Variants in PHACTR2 observed in about 807,000 individuals in gnomAD.
PHACTR2 encodes the protein phosphatase and actin regulator 2, also known as chromosome 6 open reading frame 56.
Under a neutral mutation model 76.0 loss-of-function variants are expected in PHACTR2, and 30 were observed. The observed-to-expected ratio is 0.39, with a 90% confidence interval of 0.30 to 0.54. The LOEUF is 0.54. Ranked by LOEUF, PHACTR2 falls within the 20% of genes least tolerant of loss-of-function variation. The pLI is 0.61. For missense variants in PHACTR2, 696 were observed against 781.1 expected, an observed-to-expected ratio of 0.89 and a Z score of 1.30; for synonymous variants, 292 against 292.5, an observed-to-expected ratio of 1.00 and a Z score of 0.02.
rs1776691898 is a variant in PHACTR2 at position 143,648,112 on chromosome 6, G to A, written c.13+39790G>A. Among the ~76,000 whole-genome samples the A allele has an allele frequency of 6.6e-6, 1 of 152,094 alleles. No individual in the cohort carries two copies. The highest frequency in any genetic ancestry group is 1.5e-5 in the Non-Finnish European group (1 of 68,010). Reference sequence around the variant, plus strand: ...TTTGGGGTCTGTTTTGAGAATTCAGGGGATTTATCATCTCGTTGGTGGCAG... The same window carrying A: ...TTTGGGGTCTGTTTTGAGAATTCAGAGGATTTATCATCTCGTTGGTGGCAG... On this transcript the variant is annotated intron_variant, in intron 1 of 11. Coordinates refer to the PHACTR2 transcript ENST00000305766. The surrounding 1 kb of genome is among the most constrained non-coding windows in gnomAD (Gnocchi z 6.7).
chr6:143,697,968 A>G lies in PHACTR2; in HGVS notation c.47-14048A>G, dbSNP rs2128457675. Among the ~76,000 whole-genome samples, 1 of 152,088 alleles carries G rather than the reference A, an allele frequency of 6.6e-6. No homozygotes were observed. Among genetic ancestry groups the G allele is most frequent in the Admixed American group, 6.5e-5 (1 of 15,288 alleles). On this transcript the variant is annotated intron_variant, in intron 1 of 12. Coordinates refer to ENST00000440869, the MANE Select transcript of PHACTR2 (RefSeq NM_001100164.2). The surrounding 1 kb of genome is among the most constrained non-coding windows in gnomAD (Gnocchi z 4.4). The stretch of plus-strand genomic sequence containing the variant: ...AGTCTTTTTTTTAACCTACTCACTT[A>G]ATAACAACAACAATTAAAAATCATT...
intron 10 of PHACTR2, among the ~76,000 whole-genome samples, chr6:143,785,624 C>A (rs1775538121): frequency 6.6e-6 from 1 of 152,242 alleles, no homozygotes; most frequent in Non-Finnish European, 1.5e-5. Context: ...ACTGCCCTAG[C>A]AGAGGTTCTC....
chr6:143,746,510 T>G (rs1044693117), intron 2 of PHACTR2, among the ~76,000 whole-genome samples: 4 of 152,158 alleles, frequency 2.6e-5, no homozygotes, highest in Non-Finnish European at 5.9e-5. Context: ...ACCTTCATCC[T>G]TAAGTTTAGG....
At chr6:143,642,594 C>T (rs984119686) in intron 1 of PHACTR2, among the ~76,000 whole-genome samples, 4 of 152,256 alleles carry the variant, frequency 2.6e-5, no homozygotes. Flanking sequence ...AGGGTTGTTG[C>T]AGATGTAATT....
intron 1 of PHACTR2, among the ~76,000 whole-genome samples, chr6:143,691,236 CAA>C (rs755415299): frequency 2.0e-5 from 3 of 151,626 alleles, no homozygotes; most frequent in African/African-American, 2.4e-5. Flanking sequence ...ATAAAGTAAA[CAA>C]AAATAGTAAG....
At chr6:143,723,316 T>C (rs980207781) in intron 2 of PHACTR2, among the ~76,000 whole-genome samples, 3 of 152,248 alleles carry the variant, frequency 2.0e-5, no homozygotes, top group African/African-American at 7.2e-5. Context: ...ACCATCCAGA[T>C]GGCTTCTGAG....
chr6:143,823,649 T>C lies in PHACTR2; in HGVS notation c.1923-25T>C. On this transcript the variant is annotated intron_variant, in intron 12 of 12. Transcript: ENST00000440869. The surrounding 1 kb of genome is among the most constrained non-coding windows in gnomAD (Gnocchi z 5.7). ...CAGAATGTGCTCCTAGGCCACAGGC[T>C]TATAGTTTCTATTTCTTACTCCAGG... The C allele has an allele frequency of 6.2e-7, 1 of 1,606,696 alleles. No individual in the cohort carries two copies.
chr6:143,765,606 T>C lies in PHACTR2; in HGVS notation c.1040T>C (p.Leu347Pro). Residue 347 changes from leucine (L) to proline (P), a missense_variant, in exon 6 of 13, where the codon CTG becomes CCG. Leu to Pro is a moderately conservative substitution (Grantham distance 98). Around this residue, in one of 2 missense-constraint regions of PHACTR2, gnomAD observed 460 missense variants for 450.9 expected, o/e 1.02. Coordinates refer to ENST00000440869, the MANE Select transcript of PHACTR2 (RefSeq NM_001100164.2). The surrounding 1 kb of genome is among the most constrained non-coding windows in gnomAD (Gnocchi z 4.1). Reference protein sequence around the residue: ...PPPVAPAPSPLAPPLPLEDQC... With the variant: ...PPPVAPAPSPPAPPLPLEDQC... ...CCTGTGGCTCCAGCACCTTCTCCTC[T>C]GGCCCCCCCTCTCCCTCTTGAGGAT... 6.2e-7 allele frequency: 1 copy of C among 1,614,112 alleles called. No homozygotes were observed. Among genetic ancestry groups the C allele is most frequent in the Non-Finnish European group, 8.5e-7 (1 of 1,179,970 alleles).
chr6:143,625,500 T>C lies in PHACTR2; in HGVS notation c.13+17178T>C, dbSNP rs140966167. Among the ~76,000 whole-genome samples, 1 of 152,336 alleles carries C rather than the reference T, an allele frequency of 6.6e-6. No individual in the cohort carries two copies. The highest frequency in any genetic ancestry group is 6.5e-5 in the Admixed American group (1 of 15,300). On this transcript the variant is annotated intron_variant, in intron 1 of 11. Transcript: ENST00000305766. The surrounding 1 kb of genome is among the most constrained non-coding windows in gnomAD (Gnocchi z 4.3). Reference sequence around the variant, plus strand: ...ACATCAAAAAGGATAATAAATATTATTGATAACTTATCGAATAGGTAATTG... The same window carrying C: ...ACATCAAAAAGGATAATAAATATTACTGATAACTTATCGAATAGGTAATTG...
chr6:143,797,509 T>C (rs931881234), intron 11 of PHACTR2, among the ~76,000 whole-genome samples: 5 of 152,212 alleles, frequency 3.3e-5, no homozygotes, highest in Non-Finnish European at 1.5e-5. Context: ...CTGAATGGTA[T>C]TGCCCAGGTT....
intron 1 of PHACTR2, among the ~76,000 whole-genome samples, chr6:143,626,260 G>A (rs1185945414): frequency 1.3e-5 from 2 of 152,064 alleles, no homozygotes; most frequent in East Asian, 1.9e-4. Flanking sequence ...AAAACCGGCC[G>A]GGCACGGTTG....
At chr6:143,677,923 T>C, upstream of PHACTR2, 1 of 704,856 alleles carries the variant, frequency 1.4e-6, no homozygotes, top group South Asian at 5.2e-5. Flanking sequence ...TCTTCCCCCG[T>C]GACCCCTGAC....
In PHACTR2 at chr6:143,596,467, C is replaced by A. The variant is rs1032496190; in HGVS notation, c.217+59260C>A. On this transcript the variant is annotated intron_variant, in intron 1 of 11. Coordinates refer to the PHACTR2 transcript ENST00000367584. This position sits in a 1 kb window ranked among gnomAD's most constrained non-coding sequence, Gnocchi z 4.6. ...AATATCAGTAATAAATGCTTAACAG[C>A]CAGTGTTTTTGAGTGGATAATATAA... 1.3e-4 allele frequency among the ~76,000 whole-genome samples: 20 copies of A among 152,078 alleles called. No individual in the cohort carries two copies. The highest frequency in any genetic ancestry group is 4.3e-4 in the African/African-American group (18 of 41,394).
At position 143,826,443 on chromosome 6, in the gene PHACTR2, T is replaced by C. The variant is rs972498926; in HGVS notation, c.*2754T>C. 6.6e-6 allele frequency: 1 copy of C among 152,232 alleles called. No individual in the cohort carries two copies. The highest frequency in any genetic ancestry group is 1.5e-5 in the Non-Finnish European group (1 of 68,048). 9.4% of individuals were successfully genotyped at this position (152,232 alleles called of 1,614,324 possible). On this transcript the variant is annotated 3_prime_UTR_variant, in exon 13 of 13. Transcript: ENST00000440869. ...TCCAGGTTTTTGGCTATTTAAAGTT[T>C]GACATTAGGCTGACATCGAGGAAGT...
chr6:143,701,457 A>AT (rs371657899), intron 1 of PHACTR2, among the ~76,000 whole-genome samples: 20 of 152,340 alleles, frequency 1.3e-4, no homozygotes, highest in Admixed American at 1.3e-4. Context: ...GACACTGGGC[A>AT]TTGTTTTAGA....
intron 1 of PHACTR2, chr6:143,711,114 A>G: frequency 2.0e-6 from 1 of 506,690 alleles, no homozygotes; most frequent in South Asian, 1.4e-5. Flanking sequence ...ACCATCGTTG[A>G]GATAATTTCC....
chr6:143,755,246 A>G lies in PHACTR2; in HGVS notation c.454+1334A>G, dbSNP rs180952323. On this transcript the variant is annotated intron_variant, in intron 4 of 12. Transcript: ENST00000440869. This position sits in a 1 kb window ranked among gnomAD's most constrained non-coding sequence, Gnocchi z 5.2. ...AATAAATTTTAGTGGGATTCAGTTG[A>G]AAGTATTAACGCAAGTAGTGATGTT... 1.7e-3 allele frequency: 779 copies of G among 455,366 alleles called. 1 individual carries two copies. The highest frequency in any genetic ancestry group is 2.9e-3 in the Non-Finnish European group (650 of 226,462). 28.2% of individuals were successfully genotyped at this position (455,366 alleles called of 1,614,324 possible). A position where few individuals can be genotyped will look rare whatever the true frequency, so the allele number is the denominator to read the frequency against.
rs78575161 is a variant in PHACTR2, at chr6:143,760,533, A to G, written c.587A>G (p.His196Arg). The G allele has an allele frequency of 4.9e-4, 783 of 1,613,972 alleles. 2 individuals are homozygous for G. The African/African-American group carries it at 9.4e-3, about 19-fold the overall frequency. Reference sequence around the variant, plus strand: ...AAAGGGGCCACTGCTGGGGCCAGCCACAAAGGTGATGAAGTGCCTCCCATT... The same window carrying G: ...AAAGGGGCCACTGCTGGGGCCAGCCGCAAAGGTGATGAAGTGCCTCCCATT... ...PPKGATAGAS[H>R]KGDEVPPIKK... The change falls in exon 5 of 13, where the codon CAC becomes CGC. Residue 196 changes from histidine to arginine, a missense_variant. This residue lies in a region of PHACTR2 where 460 missense variants were observed against 450.9 expected (regional missense o/e 1.02). Transcript: ENST00000440869. The surrounding 1 kb of genome is among the most constrained non-coding windows in gnomAD (Gnocchi z 6.4).
At chr6:143,716,986 T>A (rs766881410) in intron 2 of PHACTR2, among the ~76,000 whole-genome samples, 5 of 152,172 alleles carry the variant, frequency 3.3e-5, no homozygotes, top group Non-Finnish European at 5.9e-5. Context: ...CAGATGGGAC[T>A]TTGCTCCTGT....
Sources: allele counts gnomAD v4.1 joint callset (sites outside exome capture counted in the v4.1 genomes callset), GRCh38; gene constraint gnomAD v4.1.1; regional missense constraint gnomAD v4.1.1; non-coding constraint Gnocchi (gnomAD v3.1); transcripts MANE v1.5; gene names NCBI Gene and HGNC (gene_info 2026-07-23, HGNC 2026-07-21).